Variants in WDFY3 observed in about 807,000 individuals in gnomAD.
WDFY3 encodes the protein WD repeat and FYVE domain-containing protein 3.
Under a neutral mutation model 409.6 loss-of-function variants are expected in WDFY3, and 66 were observed. The observed-to-expected ratio is 0.16, with a 90% CI of 0.13 to 0.20. The LOEUF (loss-of-function observed/expected upper bound fraction) is 0.20, where lower values mean the gene tolerates loss of function less well. WDFY3 is among the 10% of genes least tolerant of loss of function. WDFY3 has a pLI of 1.00. For missense variants in WDFY3, 3,031 were observed against 4,298.1 expected (o/e 0.71, Z 8.24); for synonymous variants, 1,521 against 1,537.1 (o/e 0.99, Z 0.25).
At chr4:84,762,519 C>T (rs530930729) in intron 32 of WDFY3, among the ~76,000 whole-genome samples, 11 of 150,168 alleles carry the variant, frequency 7.3e-5, no homozygotes, top group African/African-American at 1.2e-4. Flanking sequence ...TGCTAGATGA[C>T]GAATTAGTGG....
intron 19 of WDFY3, among the ~76,000 whole-genome samples, chr4:84,795,500 G>A (rs184885850): frequency 2.0e-5 from 3 of 152,200 alleles, no homozygotes; most frequent in South Asian, 2.1e-4. Context: ...AGTGGCTCAC[G>A]CCTATAATCC....
intron 15 of WDFY3, among the ~76,000 whole-genome samples, chr4:84,806,915 G>C (rs2149699332): frequency 6.6e-6 from 1 of 152,136 alleles, no homozygotes; most frequent in Middle Eastern, 3.4e-3. Context: ...TGGCCCTGAT[G>C]TATTTTTTTA....
chr4:84,895,350 T>C (rs1217420419), intron 3 of WDFY3, among the ~76,000 whole-genome samples: 4 of 152,212 alleles, frequency 2.6e-5, no homozygotes, highest in Non-Finnish European at 4.4e-5. Context: ...AAAAGGCAGT[T>C]AACTATCAAT....
chr4:84,817,470 G>T lies in WDFY3; in HGVS notation c.1809C>A (p.Asp603Glu), dbSNP rs767715079. The T allele has an allele frequency of 6.2e-7, 1 of 1,613,764 alleles. No individual in the cohort carries two copies. Among genetic ancestry groups the T allele is most frequent in the Non-Finnish European group, 8.5e-7 (1 of 1,179,782 alleles). The change falls in exon 13 of 68, where the codon GAC (aspartate) becomes GAA (glutamate). Residue 603 changes from aspartate (D) to glutamate (E), a missense_variant. This residue lies in a region of WDFY3 where 1,322 missense variants were observed against 1,697.9 expected (regional missense o/e 0.78). Coordinates refer to ENST00000295888, the MANE Select transcript of WDFY3 (RefSeq NM_014991.6). The part of the protein sequence containing the change: ...IQQLVLSPNG[D>E]DDMGTLLGLM... Reference sequence around the variant, plus strand: ...GCCCCAGGAGAGTGCCCATGTCATCGTCCCCATTTGGGGAGAGCACCAGCT... The same window carrying T: ...GCCCCAGGAGAGTGCCCATGTCATCTTCCCCATTTGGGGAGAGCACCAGCT...
chr4:84,735,227 A>G, intron 42 of WDFY3, 107 bp from the exon 43 acceptor site: 1 of 1,060,330 alleles, frequency 9.4e-7, no homozygotes. Flanking sequence ...TTCTGCCAAA[A>G]GCACCAAAAC....
chr4:84,908,184 AC>A (rs1767296891), intron 2 of WDFY3, among the ~76,000 whole-genome samples: 1 of 152,168 alleles, frequency 6.6e-6, no homozygotes, highest in Admixed American at 6.5e-5. Flanking sequence ...AGTATGGAAA[AC>A]GGCTCCAAAG....
At position 84,821,456 on chromosome 4, in the gene WDFY3, T is replaced by C. The variant is rs1291664889; in HGVS notation, c.1219A>G (p.Ile407Val). ...TTGTCAGCCATGTAAATATTTGTGA[T>C]AGCATCAAGGATGATTTGGGCAAGG... is the stretch of plus-strand genomic sequence containing the variant. Reference protein sequence around the residue: ...SFLAQIILDAITNIYMADNAN... With the variant: ...SFLAQIILDAVTNIYMADNAN... Residue 407 changes from isoleucine (I) to valine (V), a missense_variant, in exon 11 of 68, where the codon ATC becomes GTC. Ile to Val is a conservative substitution (Grantham distance 29, BLOSUM62 3). Transcript: ENST00000295888. The C allele has an allele frequency of 1.9e-6, 3 of 1,613,784 alleles. No individual in the cohort carries two copies. Among genetic ancestry groups the C allele is most frequent in the African/African-American group, 1.3e-5 (1 of 74,918 alleles).
At position 84,721,383 on chromosome 4, in the gene WDFY3, A is replaced by G. The variant is rs530243074; in HGVS notation, c.7605+26T>C. The G allele has an allele frequency of 7.4e-6, 12 of 1,611,576 alleles. No homozygotes were observed. The Admixed American group carries it at 1.7e-4, about 22-fold the overall frequency. On this transcript the variant is annotated intron_variant, in intron 47 of 67. Transcript: ENST00000295888. ...ATAATATGTTACTGAAGTATTTACA[A>G]TCCTTACTTTTCAGAAGCACAATAC...
intron 44 of WDFY3, among the ~76,000 whole-genome samples, chr4:84,728,186 C>CA (rs1356711010): frequency 2.6e-5 from 4 of 152,094 alleles, no homozygotes; most frequent in Admixed American, 6.5e-5. Flanking sequence ...ACGGATTCTT[C>CA]AACCTGCTCT....
chr4:84,693,895 CA>C (rs35165784), intron 58 of WDFY3, among the ~76,000 whole-genome samples: 20,240 of 79,994 alleles, frequency 0.25, 1,913 homozygotes, highest in African/African-American at 0.41. Context: ...GACTCCGTCT[CA>C]AAAAAAAAAA....
At chr4:84,919,739 T>C (rs1769007538) in intron 2 of WDFY3, among the ~76,000 whole-genome samples, 1 of 152,196 alleles carries the variant, frequency 6.6e-6, no homozygotes, top group African/African-American at 2.4e-5. Flanking sequence ...TCCACCATGA[T>C]TGTAAGTTTC....
At chr4:84,814,656 C>T (rs1753011359) in intron 13 of WDFY3, among the ~76,000 whole-genome samples, 1 of 152,024 alleles carries the variant, frequency 6.6e-6, no homozygotes, top group Non-Finnish European at 1.5e-5. Flanking sequence ...GTTTCCCAGT[C>T]CCTGTGTTCA....
intron 2 of WDFY3, among the ~76,000 whole-genome samples, chr4:84,922,315 C>T (rs1436758284): frequency 6.6e-6 from 1 of 152,112 alleles, no homozygotes; most frequent in African/African-American, 2.4e-5. Context: ...TCTTATATTT[C>T]TTTTCCAGTT....
intron 2 of WDFY3, among the ~76,000 whole-genome samples, chr4:84,927,599 A>C: frequency 6.6e-6 from 1 of 152,142 alleles, no homozygotes; most frequent in East Asian, 1.9e-4. Flanking sequence ...GGGCGGGGCC[A>C]GGTGGAGGTA....
chr4:84,937,923 C>A (rs903362853), intron 1 of WDFY3, among the ~76,000 whole-genome samples: 1 of 151,924 alleles, frequency 6.6e-6, no homozygotes, highest in Non-Finnish European at 1.5e-5. Context: ...GTTCCAAGAC[C>A]CCCAGTACAT....
chr4:84,714,047 T>G (rs184356164), intron 50 of WDFY3, among the ~76,000 whole-genome samples: 1 of 151,216 alleles, frequency 6.6e-6, no homozygotes, highest in Non-Finnish European at 1.5e-5. Flanking sequence ...ACCTGGGAGG[T>G]GGAAGTTGCA....
At chr4:84,712,798 G>T (rs190253539) in intron 51 of WDFY3, among the ~76,000 whole-genome samples, 94 of 152,226 alleles carry the variant, frequency 6.2e-4, no homozygotes, top group Middle Eastern at 3.4e-3. Flanking sequence ...GTGATGAATA[G>T]ATAGCGAATA....
At chr4:84,831,128 A>G (rs1040089169) in intron 8 of WDFY3, among the ~76,000 whole-genome samples, 4 of 149,348 alleles carry the variant, frequency 2.7e-5, no homozygotes, top group African/African-American at 9.8e-5. Flanking sequence ...TGGAGGTTGC[A>G]GTGAGCCAAG....
At position 84,821,458 on chromosome 4, in the gene WDFY3, G is replaced by C. The variant is rs756241978; in HGVS notation, c.1217C>G (p.Ala406Gly). Reference protein sequence around the residue: ...TSFLAQIILDAITNIYMADNA... With the variant: ...TSFLAQIILDGITNIYMADNA... ...GTCAGCCATGTAAATATTTGTGATAGCATCAAGGATGATTTGGGCAAGGAA... is the reference window on the plus strand; with the variant it reads ...GTCAGCCATGTAAATATTTGTGATACCATCAAGGATGATTTGGGCAAGGAA... Residue 406 changes from alanine to glycine, a missense_variant, in exon 11 of 68, where the codon GCT (alanine) becomes GGT (glycine). By Grantham distance (60) the Ala-to-Gly change is moderately conservative. Transcript: ENST00000295888. 2.0e-5 allele frequency: 32 copies of C among 1,613,772 alleles called. No homozygotes were observed. Among genetic ancestry groups the C allele is most frequent in the Non-Finnish European group, 2.5e-5 (30 of 1,179,854 alleles).
Sources: allele counts gnomAD v4.1 joint callset (sites outside exome capture counted in the v4.1 genomes callset), GRCh38; gene constraint gnomAD v4.1.1; regional missense constraint gnomAD v4.1.1; transcripts MANE v1.5; gene names NCBI Gene and HGNC (gene_info 2026-07-23, HGNC 2026-07-21).